The following TPO variants were observed in gnomAD, a reference collection of about 807,000 sequenced individuals.
TPO encodes the protein thyroid microsomal antigen.
TPO carries 78 observed loss-of-function variants against 96.9 expected under a neutral mutation model. The observed-to-expected ratio is 0.81, with a 90% CI of 0.67 to 0.97. TPO has a LOEUF of 0.97. TPO is among the 50% of genes least tolerant of loss of function. The pLI is 0.00. For missense variants in TPO, 1,252 were observed against 1,274.8 expected, an observed-to-expected ratio of 0.98 and a Z score of 0.27; for synonymous variants, 547 against 538.0, an observed-to-expected ratio of 1.02 and a Z score of -0.23.
rs1426917707 is a variant in TPO, at chr2:1,484,082, A to G, written c.1339-514A>G. Among the ~76,000 whole-genome samples the G allele has an allele frequency of 3.3e-5, 5 of 152,242 alleles. No homozygotes were observed. In the East Asian group the frequency reaches 9.6e-4, roughly 29 times the overall value. On this transcript the variant is annotated intron_variant, in intron 8 of 16. Coordinates refer to ENST00000329066, the MANE Select transcript of TPO (RefSeq NM_001206744.2). ...AAGAAACACTGTTAAACCTGAAAGTAGAATCTTGGTACATAATTCTCCTGG... is the reference window on the plus strand; with the variant it reads ...AAGAAACACTGTTAAACCTGAAAGTGGAATCTTGGTACATAATTCTCCTGG...
In TPO at chr2:1,540,622, C is replaced by T. The variant is rs190968346; in HGVS notation, c.2647C>T (p.Pro883Ser). Residue 883 changes from proline (P) to serine (S), a missense_variant, in exon 16 of 17, where the codon CCC (proline) becomes TCC (serine). Physicochemically the swap from Pro to Ser is moderately conservative, Grantham distance 74. Transcript: ENST00000329066. The stretch of plus-strand genomic sequence containing the variant: ...ACGCACTGGCACTAAATCCACACTG[C>T]CCATCTCGGAGACAGGCGGAGGAAC... ...WTRTGTKSTL[P>S]ISETGGGTPE... The T allele has an allele frequency of 2.0e-4, 320 of 1,613,636 alleles. 2 individuals carry two copies. In the East Asian group the frequency reaches 6.0e-3, roughly 30 times the overall value.
upstream of TPO, chr2:1,374,074 G>A (rs546719346): frequency 3.3e-5 from 5 of 152,294 alleles, no homozygotes; most frequent in African/African-American, 1.2e-4. Flanking sequence ...ACAAACAAGA[G>A]AGATGGTCAC....
At chr2:1,410,093 A>G (rs1046285611), upstream of TPO, among the ~76,000 whole-genome samples, 2 of 152,168 alleles carry the variant, frequency 1.3e-5, no homozygotes, top group Non-Finnish European at 2.9e-5. Context: ...ACTATTGTTT[A>G]TTTGAAAATC....
chr2:1,478,136 G>T (rs1362624373), intron 8 of TPO: 1 of 985,278 alleles, frequency 1.0e-6, no homozygotes, highest in Non-Finnish European at 1.2e-6. Flanking sequence ...ACAAGTTAGA[G>T]TCTATTTGAA....
chr2:1,430,173 C>T (rs1664836142), intron 3 of TPO, among the ~76,000 whole-genome samples: 1 of 152,172 alleles, frequency 6.6e-6, no homozygotes, highest in Admixed American at 6.5e-5. Context: ...AGACCTTGGG[C>T]CTCTTTGTCC....
At chr2:1,530,524 C>T (rs1184451253) in intron 15 of TPO, among the ~76,000 whole-genome samples, 1 of 90,948 alleles carries the variant, frequency 1.1e-5, no homozygotes, top group Non-Finnish European at 2.2e-5. Flanking sequence ...CTCCCCCACT[C>T]TGTGCAACCC....
At chr2:1,489,104 A>G (rs560697618) in intron 10 of TPO, among the ~76,000 whole-genome samples, 58 of 142,464 alleles carry the variant, frequency 4.1e-4, no homozygotes, top group Admixed American at 2.1e-4. Context: ...GCCTGCACAC[A>G]CCTACACATG....
chr2:1,520,221 A>G (rs940412452), intron 15 of TPO, among the ~76,000 whole-genome samples: 1 of 152,038 alleles, frequency 6.6e-6, no homozygotes, highest in African/African-American at 2.4e-5. Context: ...CCCACCACCT[A>G]CCCTGAGACC....
In TPO at chr2:1,487,334, C is replaced by G. The variant is rs191346221; in HGVS notation, c.1598-487C>G. Among the ~76,000 whole-genome samples, 164 of 152,314 alleles carry G rather than the reference C, an allele frequency of 1.1e-3. 1 individual carries two copies. The highest frequency in any genetic ancestry group is 3.8e-3 in the African/African-American group (159 of 41,558). ...CATGAGCCACATTGTCAGTGCCAGCCCAGTGGTTCACCTGCCAACAAGGGC... is the reference window on the plus strand; with the variant it reads ...CATGAGCCACATTGTCAGTGCCAGCGCAGTGGTTCACCTGCCAACAAGGGC... On this transcript the variant is annotated intron_variant, in intron 9 of 16. Transcript: ENST00000329066.
chr2:1,481,034 C>T (rs1670594229), intron 8 of TPO, among the ~76,000 whole-genome samples: 1 of 151,752 alleles, frequency 6.6e-6, no homozygotes, highest in Admixed American at 6.6e-5. Context: ...TCCTGGGATC[C>T]GGCATCTCTC....
At chr2:1,392,404 G>T (rs1055573053) in intron 1 of TPO, among the ~76,000 whole-genome samples, 1 of 152,164 alleles carries the variant, frequency 6.6e-6, no homozygotes, top group Admixed American at 6.5e-5. Flanking sequence ...GATTTGGTTT[G>T]CCAGTATTTT....
At chr2:1,533,208 CCCCCA>C (rs1678750963) in intron 15 of TPO, among the ~76,000 whole-genome samples, 1 of 3,388 alleles carries the variant, frequency 3.0e-4, no homozygotes, top group African/African-American at 1.3e-3. Flanking sequence ...TCCCCATATC[CCCCCA>C]TATCCCCCCA....
At chr2:1,414,630 T>TA in intron 2 of TPO, 128 bp downstream of exon 2, 1 of 771,512 alleles carries the variant, frequency 1.3e-6, no homozygotes, top group Admixed American at 2.5e-5. Flanking sequence ...TTGTTATGCT[T>TA]AAGAAAAAAA....
intron 1 of TPO, 75 bp from the exon 2 acceptor site, chr2:1,414,333 G>C: frequency 1.4e-6 from 2 of 1,402,680 alleles, no homozygotes; most frequent in South Asian, 1.2e-5. Flanking sequence ...CCTCAGCAGG[G>C]AGACAAGGAC....
At chr2:1,528,692 A>AAT (rs1677217111) in intron 15 of TPO, among the ~76,000 whole-genome samples, 1 of 58,376 alleles carries the variant, frequency 1.7e-5, no homozygotes, top group Non-Finnish European at 3.1e-5. Flanking sequence ...AATCCCCCCT[A>AAT]CCTTGTGCAA....
chr2:1,525,892 T>TACTGTGTGCAACCTCCTCAAATCCCCCC (rs1033236294), intron 15 of TPO, among the ~76,000 whole-genome samples: 1 of 98,930 alleles, frequency 1.0e-5, no homozygotes, highest in Non-Finnish European at 2.0e-5. Flanking sequence ...CAAATCCCAA[T>TACTGTGTGCAACCTCCTCAAATCCCCCC]ACTGTGTGCA....
At position 1,477,301 on chromosome 2, in the gene TPO, T is replaced by G. The variant is rs1307546596; in HGVS notation, c.1035T>G (p.Ser345Arg). 2 of 1,586,550 alleles carry G rather than the reference T, an allele frequency of 1.3e-6. No homozygotes were observed. Among genetic ancestry groups the G allele is most frequent in the East Asian group, 2.3e-5 (1 of 43,762 alleles). The change falls in exon 8 of 17, where the codon AGT becomes AGG. Residue 345 changes from serine to arginine, a missense_variant. Coordinates refer to ENST00000329066, the MANE Select transcript of TPO (RefSeq NM_001206744.2). The stretch of plus-strand genomic sequence containing the variant: ...AGAGGCAGCTGCGGAACTGGACCAG[T>G]GCCGAAGGGCTGCTCCGCGTCCACG... ...ALERQLRNWT[S>R]AEGLLRVHAR...
intron 10 of TPO, among the ~76,000 whole-genome samples, chr2:1,493,068 G>A (rs943093509): frequency 3.9e-5 from 6 of 152,206 alleles, no homozygotes; most frequent in South Asian, 2.1e-4. Context: ...CAGCTGAGGC[G>A]TGGGTCAGTG....
At chr2:1,468,951 C>T (rs1669139852) in intron 7 of TPO, among the ~76,000 whole-genome samples, 1 of 152,050 alleles carries the variant, frequency 6.6e-6, no homozygotes, top group African/African-American at 2.4e-5. Flanking sequence ...ATCTGAAGAC[C>T]TTGTCTTTGA....
Sources: gnomAD v4.1 joint callset for allele counts (sites outside exome capture counted in the v4.1 genomes callset) on GRCh38, gnomAD v4.1.1 for gene constraint, MANE v1.5 for transcripts, NCBI Gene and HGNC (gene_info 2026-07-23, HGNC 2026-07-21) for gene names.